Variants in SYT9 observed in about 807,000 individuals in gnomAD.
SYT9 encodes synaptotagmin 9.
In SYT9, 22 loss-of-function variants were observed where a neutral mutation model predicts 48.4. The observed-to-expected ratio is 0.45, with a 90% CI of 0.32 to 0.65. SYT9 has a LOEUF of 0.65. Ranked by LOEUF, SYT9 falls within the 30% of genes least tolerant of loss-of-function variation. The pLI, the probability that SYT9 is intolerant of heterozygous loss-of-function variation, is 0.03. For missense variants in SYT9, 577 were observed against 622.0 expected, an observed-to-expected ratio of 0.93 and a Z score of 0.77; for synonymous variants, 265 against 245.0, an observed-to-expected ratio of 1.08 and a Z score of -0.76.
At chr11:7,292,553 C>T (rs1417964057) in intron 1 of SYT9, among the ~76,000 whole-genome samples, 2 of 152,220 alleles carry the variant, frequency 1.3e-5, no homozygotes, top group East Asian at 1.9e-4. Context: ...CACAGCCCTA[C>T]AGGGCAGGTT....
chr11:7,383,146 A>G (rs913631566), intron 3 of SYT9, among the ~76,000 whole-genome samples: 1 of 152,216 alleles, frequency 6.6e-6, no homozygotes, highest in Non-Finnish European at 1.5e-5. Flanking sequence ...TCCATGTTAT[A>G]GGTGGACCCG....
At chr11:7,344,234 A>C (rs1389870671) in intron 3 of SYT9, among the ~76,000 whole-genome samples, 2 of 151,952 alleles carry the variant, frequency 1.3e-5, no homozygotes, top group Non-Finnish European at 1.5e-5. Flanking sequence ...TCTCTTCCTA[A>C]ATCCCCCATC....
chr11:7,378,050 C>G (rs1211713137), intron 3 of SYT9, among the ~76,000 whole-genome samples: 1 of 148,614 alleles, frequency 6.7e-6, no homozygotes, highest in Non-Finnish European at 1.5e-5. Flanking sequence ...AGAGAATTAC[C>G]AAAGCAGAGA....
chr11:7,376,222 GA>G (rs1337001110), intron 3 of SYT9, among the ~76,000 whole-genome samples: 1 of 151,838 alleles, frequency 6.6e-6, no homozygotes, highest in African/African-American at 2.4e-5. Flanking sequence ...ATAAATGAAT[GA>G]AAAATTTTAA....
rs1850677956 is a variant in SYT9, at chr11:7,387,180, G to T, written c.1045-28862G>T. The stretch of plus-strand genomic sequence containing the variant: ...TGGTGGGGGGATAGAAGCGGGGAGG[G>T]ATAGCATTAGGAGATATACCTAATG... On this transcript the variant is annotated intron_variant, in intron 3 of 6. Transcript: ENST00000318881. 2.0e-5 allele frequency among the ~76,000 whole-genome samples: 3 copies of T among 152,082 alleles called. No individual in the cohort carries two copies. The South Asian group carries it at 6.2e-4, about 32-fold the overall frequency.
intron 3 of SYT9, among the ~76,000 whole-genome samples, chr11:7,342,769 C>T (rs2133991867): frequency 6.6e-6 from 1 of 152,342 alleles, no homozygotes; most frequent in South Asian, 2.1e-4. Context: ...CACCACATTT[C>T]CCTTCCACAC....
intron 3 of SYT9, among the ~76,000 whole-genome samples, chr11:7,316,750 T>C (rs1283942088): frequency 1.3e-5 from 2 of 152,250 alleles, no homozygotes; most frequent in African/African-American, 4.8e-5. Context: ...CCTTCCACTG[T>C]TGAAATGTGA....
intron 1 of SYT9, among the ~76,000 whole-genome samples, chr11:7,280,566 A>C (rs1166548140): frequency 1.3e-5 from 2 of 152,362 alleles, no homozygotes; most frequent in East Asian, 3.9e-4. Context: ...CGTCACTTTC[A>C]GAAGACCTTA....
rs528758773 is a variant in SYT9 at position 7,240,907 on chromosome 11, CA to C, written c.49+1992del. ...TGGGTTTTCCTTCCTTTCAATACAC[CA>C]CACCCTCAGAAGGGGTCTAAACCAA... On this transcript the variant is annotated intron_variant and NMD_transcript_variant, in intron 1 of 8. Coordinates refer to the SYT9 transcript ENST00000524820. Among the ~76,000 whole-genome samples, 8 of 152,066 alleles carry C rather than the reference CA, an allele frequency of 5.3e-5. No homozygotes were observed. The South Asian group carries it at 1.7e-3, about 32-fold the overall frequency.
At chr11:7,306,454 G>A (rs899084315) in intron 2 of SYT9, among the ~76,000 whole-genome samples, 10 of 152,156 alleles carry the variant, frequency 6.6e-5, no homozygotes, top group African/African-American at 2.2e-4. Flanking sequence ...CTCACCTTAT[G>A]GCCAAGGCCA....
At chr11:7,315,516 C>G (rs1849227157) in intron 3 of SYT9, among the ~76,000 whole-genome samples, 1 of 152,212 alleles carries the variant, frequency 6.6e-6, no homozygotes, top group African/African-American at 2.4e-5. Context: ...GTCACACCAT[C>G]TAATGAGACA....
intron 3 of SYT9, among the ~76,000 whole-genome samples, chr11:7,344,175 C>A (rs557161459): frequency 1.3e-5 from 2 of 152,278 alleles, no homozygotes; most frequent in African/African-American, 4.8e-5. Context: ...TTGGCACATT[C>A]CTCATTAATT....
chr11:7,390,572 A>C (rs1012780499), intron 3 of SYT9, among the ~76,000 whole-genome samples: 10 of 152,342 alleles, frequency 6.6e-5, no homozygotes, highest in South Asian at 4.1e-4. Flanking sequence ...ATGTAAAATA[A>C]AGAAGCATAA....
intron 3 of SYT9, among the ~76,000 whole-genome samples, chr11:7,412,785 T>C (rs7130441): frequency 0.014 from 2,172 of 152,282 alleles, 58 homozygotes; most frequent in African/African-American, 0.049. Context: ...AAATCCAAGT[T>C]GGTCTGAGCT....
chr11:7,363,818 A>G (rs1488014867), intron 3 of SYT9, among the ~76,000 whole-genome samples: 1 of 152,178 alleles, frequency 6.6e-6, no homozygotes, highest in Non-Finnish European at 1.5e-5. Context: ...GTGTCTGTTC[A>G]GCAACATAGG....
chr11:7,403,560 TAAAC>T (rs1196723577), intron 3 of SYT9, among the ~76,000 whole-genome samples: 12 of 122,870 alleles, frequency 9.8e-5, no homozygotes, highest in Non-Finnish European at 1.8e-4. Context: ...TCAAAATAAA[TAAAC>T]AGAGAGAGAG....
At chr11:7,344,290 T>G (rs1412117022) in intron 3 of SYT9, among the ~76,000 whole-genome samples, 1 of 152,164 alleles carries the variant, frequency 6.6e-6, no homozygotes, top group Non-Finnish European at 1.5e-5. Flanking sequence ...TTTTAAAATA[T>G]TCTGGATGCC....
chr11:7,376,616 C>CT (rs1564882170), intron 3 of SYT9, among the ~76,000 whole-genome samples: 1 of 152,034 alleles, frequency 6.6e-6, no homozygotes, highest in African/African-American at 2.4e-5. Flanking sequence ...GGGCTGTTAC[C>CT]AAGAAGTGGA....
intron 5 of SYT9, 71 bp downstream of exon 5, chr11:7,418,199 G>T: frequency 6.5e-7 from 1 of 1,527,108 alleles, no homozygotes; most frequent in Admixed American, 1.9e-5. Context: ...AGGGGGAGCA[G>T]CAGCCACAGA....
Sources: gnomAD v4.1 joint callset for allele counts (sites outside exome capture counted in the v4.1 genomes callset) on GRCh38, gnomAD v4.1.1 for gene constraint, MANE v1.5 for transcripts, NCBI Gene and HGNC (gene_info 2026-07-23, HGNC 2026-07-21) for gene names.